Variants in ARL17B observed in about 807,000 individuals in gnomAD.
ARL17B encodes ARF like GTPase 17B, also known as ADP-ribosylation factor-like protein 17.
intron 4 of ARL17B, among the ~76,000 whole-genome samples, chr17:46,290,305 T>A (rs2050031909): frequency 6.6e-6 from 1 of 152,072 alleles, no homozygotes; most frequent in Non-Finnish European, 1.5e-5. Context: ...AAATTCCTTT[T>A]TGTAGAAACA....
intron 2 of ARL17B, among the ~76,000 whole-genome samples, chr17:46,357,273 A>G (rs2317344): frequency 0.88 from 80,369 of 91,552 alleles, 38,166 homozygotes; most frequent in South Asian, 1. Flanking sequence ...TGTGGGGTGT[A>G]TCCTCAGTCA....
At chr17:46,290,179 G>C (rs974259035) in intron 4 of ARL17B, among the ~76,000 whole-genome samples, 21 of 152,242 alleles carry the variant, frequency 1.4e-4, no homozygotes, top group African/African-American at 5.1e-4. Context: ...GCCCCGGCTA[G>C]AGTACAGTGG....
chr17:46,289,885 C>T (rs1246896431), intron 4 of ARL17B, among the ~76,000 whole-genome samples: 4 of 152,140 alleles, frequency 2.6e-5, no homozygotes, highest in South Asian at 4.1e-4. Flanking sequence ...TTTGGGAGGC[C>T]GAGGGCGGAA....
At chr17:46,340,907 CTTT>C (rs1277539568) in intron 3 of ARL17B, among the ~76,000 whole-genome samples, 1 of 76,078 alleles carries the variant, frequency 1.3e-5, no homozygotes, top group Non-Finnish European at 3.6e-5. Context: ...CTCTTTTATT[CTTT>C]TTTTTTTTTT....
At chr17:46,285,701 T>C (rs1490177384) in intron 4 of ARL17B, among the ~76,000 whole-genome samples, 1 of 152,226 alleles carries the variant, frequency 6.6e-6, no homozygotes, top group Non-Finnish European at 1.5e-5. Flanking sequence ...TGTGGGGATA[T>C]GGTAAAGCTC....
At chr17:46,281,710 C>T (rs1325859483) in intron 4 of ARL17B, among the ~76,000 whole-genome samples, 2 of 152,134 alleles carry the variant, frequency 1.3e-5, no homozygotes, top group Admixed American at 1.3e-4. Context: ...GTGGTGTGAT[C>T]TTGGCACACT....
chr17:46,279,854 T>A (rs1205731333), intron 4 of ARL17B, among the ~76,000 whole-genome samples: 1 of 152,230 alleles, frequency 6.6e-6, no homozygotes, highest in African/African-American at 2.4e-5. Flanking sequence ...CTTTCATTTT[T>A]ATCCCTGACA....
intron 4 of ARL17B, among the ~76,000 whole-genome samples, chr17:46,280,569 CT>C (rs56981193): frequency 5.3e-4 from 59 of 111,996 alleles, no homozygotes; most frequent in East Asian, 1.9e-3. Flanking sequence ...TGATAGCACA[CT>C]TTTTTTTTTT....
At chr17:46,324,763 C>T (rs2143980923) in intron 3 of ARL17B, among the ~76,000 whole-genome samples, 1 of 74,756 alleles carries the variant, frequency 1.3e-5, no homozygotes, top group African/African-American at 3.4e-5. Flanking sequence ...TCACTTGAAC[C>T]CAGGAAGTGG....
At chr17:46,317,161 G>A (rs1466387314) in intron 3 of ARL17B, among the ~76,000 whole-genome samples, 21 of 88,100 alleles carry the variant, frequency 2.4e-4, no homozygotes, top group Non-Finnish European at 3.7e-4. Context: ...CCGGGCAGAG[G>A]CGCTCCTCAC....
chr17:46,279,208 G>T, intron 4 of ARL17B, among the ~76,000 whole-genome samples: 1 of 135,844 alleles, frequency 7.4e-6, no homozygotes, highest in Non-Finnish European at 1.5e-5. Context: ...TTTTGAGACA[G>T]AGTCTCGCTC....
chr17:46,307,788 GGAT>G (rs2050618752), intron 3 of ARL17B, among the ~76,000 whole-genome samples: 1 of 79,028 alleles, frequency 1.3e-5, no homozygotes, highest in African/African-American at 3.1e-5. Flanking sequence ...TGAGGTGGGT[GGAT>G]CACCTGAGGT....
downstream of ARL17B, among the ~76,000 whole-genome samples, chr17:46,274,232 T>A (rs1057059140): frequency 2.0e-5 from 3 of 152,244 alleles, no homozygotes; most frequent in Non-Finnish European, 2.9e-5. Context: ...TTCACATACA[T>A]CCATAGTTGA....
In ARL17B at chr17:46,315,323, A is replaced by C. The variant is rs1029559292; in HGVS notation, c.260-15658T>G. 1.0e-4 allele frequency among the ~76,000 whole-genome samples: 8 copies of C among 77,416 alleles called. 2 individuals carry two copies. The highest frequency in any genetic ancestry group is 2.8e-4 in the African/African-American group (8 of 28,396). 50.8% of individuals were successfully genotyped at this position (77,416 alleles called of 152,430 possible). ...GAGGATTGCTTGACCCCAGGAGTTCAAGGCCAGCCAGGGCAACATACTGAG... is the reference window on the plus strand; with the variant it reads ...GAGGATTGCTTGACCCCAGGAGTTCCAGGCCAGCCAGGGCAACATACTGAG... On this transcript the variant is annotated intron_variant, in intron 3 of 4. Coordinates refer to the ARL17B transcript ENST00000434041.
intron 4 of ARL17B, among the ~76,000 whole-genome samples, chr17:46,281,753 C>T (rs1356369710): frequency 6.6e-6 from 1 of 151,964 alleles, no homozygotes; most frequent in African/African-American, 2.4e-5. Context: ...AAGCAATTCT[C>T]GTGCCTCAGC....
At chr17:46,327,206 T>C (rs1270461555) in intron 3 of ARL17B, among the ~76,000 whole-genome samples, 4 of 80,294 alleles carry the variant, frequency 5.0e-5, no homozygotes, top group African/African-American at 1.4e-4. Flanking sequence ...TGATGTATCC[T>C]TCCTGCCTCG....
intron 3 of ARL17B, among the ~76,000 whole-genome samples, chr17:46,317,168 T>C (rs1158092229): frequency 1.9e-4 from 17 of 88,212 alleles, no homozygotes; most frequent in Non-Finnish European, 4.0e-4. Context: ...GAGGCGCTCC[T>C]CACATCCCAG....
intron 3 of ARL17B, among the ~76,000 whole-genome samples, chr17:46,313,030 A>G (rs2050891086): frequency 9.1e-6 from 1 of 110,284 alleles, no homozygotes; most frequent in Non-Finnish European, 1.9e-5. Flanking sequence ...ACAGTACAAC[A>G]TGCTTCTTTG....
chr17:46,280,595 GCAGAGTCTC>G (rs2049737156), intron 4 of ARL17B, among the ~76,000 whole-genome samples: 1 of 96,482 alleles, frequency 1.0e-5, no homozygotes, highest in Non-Finnish European at 2.2e-5. Context: ...TTTTTCCTGA[GCAGAGTCTC>G]ACTCTGACAC....
Sources: gnomAD v4.1 joint callset for allele counts (sites outside exome capture counted in the v4.1 genomes callset) on GRCh38, gnomAD v4.1.1 for gene constraint, MANE v1.5 for transcripts, NCBI Gene and HGNC (gene_info 2026-07-23, HGNC 2026-07-21) for gene names.